Variants in KLHL1 observed in about 807,000 individuals in gnomAD.
KLHL1 encodes kelch like family member 1.
A neutral mutation model predicts 77.7 loss-of-function variants in KLHL1; 47 were observed. The ratio of observed to expected loss-of-function variants is 0.60; its 90% CI spans 0.48 to 0.77. KLHL1 has a LOEUF of 0.77. Ranked by LOEUF, KLHL1 falls within the 30% of genes least tolerant of loss-of-function variation. The pLI, the probability that KLHL1 is intolerant of heterozygous loss-of-function variation, is 0.00. For missense variants in KLHL1, 925 were observed against 910.8 expected (o/e 1.02, Z -0.20); for synonymous variants, 360 against 325.2 (o/e 1.11, Z -1.15).
In KLHL1 at chr13:70,070,438, A is replaced by C. The variant is rs112025412; in HGVS notation, c.497+36765T>G. Among the ~76,000 whole-genome samples the C allele has an allele frequency of 6.5e-3, 987 of 152,158 alleles. 12 individuals are homozygous for C. The highest frequency in any genetic ancestry group is 0.022 in the African/African-American group (896 of 41,488). ...TCACTCAGAAACCATGCAGGCAAAAAGAGAGTGGAGTAAAATATTCAAAAT... is the reference window on the plus strand; with the variant it reads ...TCACTCAGAAACCATGCAGGCAAAACGAGAGTGGAGTAAAATATTCAAAAT... On this transcript the variant is annotated intron_variant, in intron 1 of 10. Transcript: ENST00000377844.
At chr13:69,901,140 A>G (rs1486589544) in intron 4 of KLHL1, among the ~76,000 whole-genome samples, 2 of 152,230 alleles carry the variant, frequency 1.3e-5, no homozygotes, top group African/African-American at 2.4e-5. Context: ...TGGAAACAAC[A>G]TTTACAGAGC....
intron 5 of KLHL1, among the ~76,000 whole-genome samples, chr13:69,863,474 G>A (rs2325248): frequency 0.32 from 47,923 of 151,104 alleles, 8,065 homozygotes; most frequent in African/African-American, 0.44. Context: ...TCTGAATAGA[G>A]TGTATATGAA....
rs567694991 is a variant in KLHL1, at chr13:70,055,798, A to G, written c.497+51405T>C. On this transcript the variant is annotated intron_variant, in intron 1 of 10. Transcript: ENST00000377844. ...TTTGCAAGTCACATTGTAACCTCAA[A>G]TAAAAAATAAGTTACCGCAAGTGCA... Among the ~76,000 whole-genome samples, 269 of 152,168 alleles carry G rather than the reference A, an allele frequency of 1.8e-3. 3 individuals carry two copies. Among genetic ancestry groups the G allele is most frequent in the African/African-American group, 6.3e-3 (262 of 41,548 alleles).
At chr13:70,061,975 T>C (rs1187076144) in intron 1 of KLHL1, among the ~76,000 whole-genome samples, 1 of 152,144 alleles carries the variant, frequency 6.6e-6, no homozygotes, top group Admixed American at 6.5e-5. Flanking sequence ...TTCTAGGCTT[T>C]TGACAATGTA....
intron 1 of KLHL1, among the ~76,000 whole-genome samples, chr13:70,046,175 GACCAGTAACATTTCTTGTGTTT>G (rs1886490582): frequency 6.6e-6 from 1 of 151,920 alleles, no homozygotes; most frequent in South Asian, 2.1e-4. Context: ...ACAGGCAAAG[GACCAGTAACATTTCTTGTGTTT>G]GTCACTGGAG....
At chr13:69,961,855 A>T (rs1432553220) in intron 2 of KLHL1, among the ~76,000 whole-genome samples, 2 of 152,012 alleles carry the variant, frequency 1.3e-5, no homozygotes, top group Non-Finnish European at 2.9e-5. Flanking sequence ...TGTGCCAATA[A>T]AATAGTATTT....
chr13:70,045,941 G>T (rs932043071), intron 1 of KLHL1, among the ~76,000 whole-genome samples: 1 of 152,094 alleles, frequency 6.6e-6, no homozygotes, highest in Non-Finnish European at 1.5e-5. Context: ...CCTGGTAAAG[G>T]TTTCCTTTGT....
At chr13:69,892,483 A>G (rs1881458630) in intron 4 of KLHL1, among the ~76,000 whole-genome samples, 1 of 152,148 alleles carries the variant, frequency 6.6e-6, no homozygotes, top group Non-Finnish European at 1.5e-5. Flanking sequence ...GCTCTAGGAC[A>G]TGTTTCAGAA....
intron 1 of KLHL1, among the ~76,000 whole-genome samples, chr13:69,986,713 C>T (rs549621669): frequency 1.3e-5 from 2 of 151,832 alleles, no homozygotes. Flanking sequence ...AAGATTTTTC[C>T]TACCAAAGTT....
intron 10 of KLHL1, among the ~76,000 whole-genome samples, chr13:69,706,369 A>T (rs1875625651): frequency 6.6e-6 from 1 of 151,888 alleles, no homozygotes; most frequent in Non-Finnish European, 1.5e-5. Flanking sequence ...TAGTCTAGCC[A>T]TTAGGAATTT....
intron 3 of KLHL1, among the ~76,000 whole-genome samples, chr13:69,947,998 T>C (rs748978484): frequency 4.6e-5 from 7 of 152,124 alleles, no homozygotes; most frequent in Non-Finnish European, 7.4e-5. Flanking sequence ...TTAGATGCCA[T>C]AGAAAACTGG....
intron 1 of KLHL1, among the ~76,000 whole-genome samples, chr13:70,056,475 A>C (rs939506094): frequency 6.6e-6 from 1 of 152,174 alleles, no homozygotes; most frequent in African/African-American, 2.4e-5. Flanking sequence ...AATCTGCATT[A>C]TAGACCAAAT....
intron 4 of KLHL1, among the ~76,000 whole-genome samples, chr13:69,888,430 G>A (rs140140336): frequency 3.7e-4 from 56 of 152,204 alleles, no homozygotes; most frequent in African/African-American, 1.3e-3. Flanking sequence ...GGATTGGGGT[G>A]GACCATAATC....
chr13:69,865,404 A>C (rs1160422162), intron 5 of KLHL1, among the ~76,000 whole-genome samples: 1 of 152,162 alleles, frequency 6.6e-6, no homozygotes. Flanking sequence ...ACATTTAAAA[A>C]GGTTATAACT....
chr13:69,935,022 CATT>C (rs1487435776), intron 4 of KLHL1, among the ~76,000 whole-genome samples: 2 of 140,304 alleles, frequency 1.4e-5, no homozygotes, highest in South Asian at 2.3e-4. Flanking sequence ...TATAAAGTAT[CATT>C]ATCATTATAA....
At chr13:70,097,585 A>T (rs1396500989) in intron 1 of KLHL1, among the ~76,000 whole-genome samples, 1 of 151,992 alleles carries the variant, frequency 6.6e-6, no homozygotes, top group Non-Finnish European at 1.5e-5. Flanking sequence ...GGACCTCTTT[A>T]TGTAGAATCT....
At chr13:69,934,945 CGTGT>C (rs71116961) in intron 4 of KLHL1, among the ~76,000 whole-genome samples, 4 of 130,554 alleles carry the variant, frequency 3.1e-5, no homozygotes, top group African/African-American at 9.2e-5. Flanking sequence ...TAAAATTTAC[CGTGT>C]GTGTGTGCAT....
At chr13:70,022,591 GT>G (rs1885833023) in intron 1 of KLHL1, among the ~76,000 whole-genome samples, 7 of 42,900 alleles carry the variant, frequency 1.6e-4, no homozygotes, top group Non-Finnish European at 4.5e-4. Context: ...TTTTAGATTT[GT>G]TTTTAAATTT....
At chr13:69,813,815 A>C (rs1878004308) in intron 6 of KLHL1, among the ~76,000 whole-genome samples, 1 of 152,196 alleles carries the variant, frequency 6.6e-6, no homozygotes, top group African/African-American at 2.4e-5. Context: ...TAAAATGTCC[A>C]TACTGCTCAA....
Sources: gnomAD v4.1 joint callset for allele counts (sites outside exome capture counted in the v4.1 genomes callset) on GRCh38, gnomAD v4.1.1 for gene constraint, MANE v1.5 for transcripts, NCBI Gene and HGNC (gene_info 2026-07-23, HGNC 2026-07-21) for gene names.